ATP11C: variants seen among roughly 807,000 people sequenced by gnomAD.
ATP11C encodes the protein ATPase phospholipid transporting 11C (ATP11C blood group).
ATP11C carries 36 observed loss-of-function variants against 97.4 expected under a neutral mutation model. The observed-to-expected ratio is 0.37, with a 90% CI of 0.28 to 0.49. The LOEUF (loss-of-function observed/expected upper bound fraction) is 0.49. Among genes scored for constraint, ATP11C ranks in the 20% least tolerant of loss-of-function variants. The pLI, the probability that ATP11C is intolerant of heterozygous loss-of-function variation, is 0.98. For missense variants in ATP11C, 730 were observed against 824.6 expected (o/e 0.89, Z 1.40); for synonymous variants, 275 against 290.9 (o/e 0.95, Z 0.56).
chrX:139,767,498 T>C (rs2082162816), intron 20 of ATP11C, among the ~76,000 whole-genome samples: 1 of 111,612 alleles, frequency 9.0e-6, no homozygotes, highest in Non-Finnish European at 1.9e-5. Context: ...CAAACTGGTC[T>C]GAGGAAGAAA....
intron 18 of ATP11C, among the ~76,000 whole-genome samples, chrX:139,776,835 G>A (rs1181719233): frequency 9.0e-6 from 1 of 111,556 alleles, no homozygotes; most frequent in African/African-American, 3.3e-5. Context: ...GAGGCAGTGT[G>A]TCAGCCCTTG....
chrX:139,891,934 G>GC (rs1278840198), intron 1 of ATP11C, among the ~76,000 whole-genome samples: 1 of 110,917 alleles, frequency 9.0e-6, no homozygotes, highest in African/African-American at 3.3e-5. Context: ...TCAACACACT[G>GC]CAACCTCCAC....
At chrX:139,798,490 A>G in intron 9 of ATP11C, 136 bp from the exon 10 acceptor site, 1 of 509,562 alleles carries the variant, frequency 2.0e-6, no homozygotes, top group Non-Finnish European at 3.2e-6. Context: ...TATCATTTAT[A>G]GGATAATTTT....
chrX:139,796,727 TTC>T (rs1170251849), intron 11 of ATP11C, among the ~76,000 whole-genome samples: 2 of 111,204 alleles, frequency 1.8e-5, no homozygotes, highest in African/African-American at 6.5e-5. Flanking sequence ...CTTCTTTAAG[TTC>T]TCTTTGCTCA....
chrX:139,760,212 C>T (rs2082009282), intron 22 of ATP11C, among the ~76,000 whole-genome samples: 1 of 111,928 alleles, frequency 8.9e-6, no homozygotes, highest in Non-Finnish European at 1.9e-5. Context: ...GGAGATACTA[C>T]TACTTGACTC....
chrX:139,798,361 A>C lies in ATP11C; in HGVS notation c.776-7T>G, dbSNP rs777784232. 1.7e-6 allele frequency: 2 copies of C among 1,158,622 alleles called. No homozygotes were observed. The highest frequency in any genetic ancestry group is 1.2e-6 in the Non-Finnish European group (1 of 854,841). On this transcript the variant is annotated splice_polypyrimidine_tract_variant and splice_region_variant and intron_variant, in intron 9 of 29. Transcript: ENST00000682941. ...CCAGTGTAAACAGCAACTCCTAAGA[A>C]ATTACAGAATATAATAAAAACTAAG... is the stretch of plus-strand genomic sequence containing the variant.
chrX:139,912,308 G>C (rs1210972671), intron 1 of ATP11C, among the ~76,000 whole-genome samples: 1 of 109,092 alleles, frequency 9.2e-6, no homozygotes, highest in Admixed American at 9.9e-5. Context: ...CTATAAAATA[G>C]AATGATTATT....
At chrX:139,846,454 A>G (rs1603399823) in intron 1 of ATP11C, among the ~76,000 whole-genome samples, 1 of 112,034 alleles carries the variant, frequency 8.9e-6, no homozygotes, top group East Asian at 2.8e-4. Context: ...AATTGTCCAT[A>G]GCATTAAGTA....
intron 1 of ATP11C, among the ~76,000 whole-genome samples, chrX:139,837,973 T>C (rs1363239100): frequency 9.0e-6 from 1 of 111,280 alleles, no homozygotes; most frequent in African/African-American, 3.3e-5. Context: ...CAATAGAAAA[T>C]TGCCTATGAT....
At chrX:139,798,957 G>A (rs2082861011) in intron 8 of ATP11C, among the ~76,000 whole-genome samples, 1 of 110,878 alleles carries the variant, frequency 9.0e-6, no homozygotes, top group Non-Finnish European at 1.9e-5. Context: ...TACGGGAGTA[G>A]CCAGCAACAC....
chrX:139,906,963 A>C (rs1399932926), intron 1 of ATP11C, among the ~76,000 whole-genome samples: 3 of 111,380 alleles, frequency 2.7e-5, no homozygotes, highest in Non-Finnish European at 5.7e-5. Context: ...TATAGGCTTC[A>C]TAACAACCCA....
chrX:139,819,447 AAG>A lies in ATP11C; in HGVS notation c.148-22_148-21del. On this transcript the variant is annotated intron_variant, in intron 2 of 29. Transcript: ENST00000682941. ...TGTATACTGTAAGGGAGGAAGAAAA[AAG>A]AACACTGTTATGAAGAAAACTTGAA... The A allele has an allele frequency of 1.2e-6, 1 of 847,806 alleles. No individual in the cohort carries two copies. The highest frequency in any genetic ancestry group is 2.9e-4 in the Middle Eastern group (1 of 3,418). The allele number at this position is 847,806 out of a possible 1,213,427, so 69.9% of individuals were successfully genotyped here. A position where few individuals can be genotyped will look rare whatever the true frequency, so the allele number is the denominator to read the frequency against.
In ATP11C at chrX:139,782,686, G is replaced by C; in HGVS notation, c.1813C>G (p.Pro605Ala). The change falls in exon 18 of 30, where the codon CCA becomes GCA. Residue 605 changes from proline to alanine, a missense_variant. Transcript: ENST00000682941. ...CTGTTAATTCTTTCATAATCATCTG[G>C]AGCAATTTCTTTGAAGGCTACACAG... ...TLCVAFKEIA[P>A]DDYERINRQL... 8.3e-7 allele frequency: 1 copy of C among 1,205,415 alleles called. No homozygotes were observed. The highest frequency in any genetic ancestry group is 1.1e-6 in the Non-Finnish European group (1 of 892,015).
Position 139,932,033 on chromosome X carries a change from G to A in ATP11C, c.10C>T (p.Arg4Trp), listed in dbSNP as rs1181748022. ...GTACTTACAAAACGATTCAAGCTCC[G>A]GCGGAACATCGCGTCGAAGGCTGCC... MFRRSLNRFCAGEE... is the reference protein window; with the variant it reads MFRWSLNRFCAGEE... The change falls in exon 1 of 30, where the codon CGG (arginine) becomes TGG (tryptophan). Residue 4 changes from arginine (R) to tryptophan (W), a missense_variant. Coordinates refer to ENST00000682941, the MANE Select transcript of ATP11C (RefSeq NM_001353812.2). 1 of 1,165,042 alleles carries A rather than the reference G, an allele frequency of 8.6e-7. No homozygotes were observed. The highest frequency in any genetic ancestry group is 1.1e-6 in the Non-Finnish European group (1 of 871,260).
intron 1 of ATP11C, among the ~76,000 whole-genome samples, chrX:139,890,488 TGCCACTGTACTTCA>T (rs1228587728): frequency 9.0e-6 from 1 of 111,509 alleles, no homozygotes; most frequent in Non-Finnish European, 1.9e-5. Flanking sequence ...GCTATGAAAA[TGCCACTGTACTTCA>T]GCCTGGGTGA....
intron 2 of ATP11C, among the ~76,000 whole-genome samples, chrX:139,822,417 T>A (rs1212929844): frequency 1.0e-5 from 1 of 96,476 alleles, no homozygotes; most frequent in Non-Finnish European, 1.9e-5. Flanking sequence ...GTTTGTTTGT[T>A]TGTTTGTTTT....
rs773311103 is a variant in ATP11C at position 139,788,214 on chromosome X, C to G, written c.1498G>C (p.Ala500Pro). Reference sequence around the variant, plus strand: ...TACCTTTTAGCTCCTTTCACCAAAGCTATTTCATCTGGTGAAGAGGAGATA... The same window carrying G: ...TACCTTTTAGCTCCTTTCACCAAAGGTATTTCATCTGGTGAAGAGGAGATA... ...TYISSSPDEI[A>P]LVKGAKRYGF... The change falls in exon 14 of 30, where the codon GCT (alanine) becomes CCT (proline). Residue 500 changes from alanine (A) to proline (P), a missense_variant. Physicochemically the swap from Ala to Pro is conservative, Grantham distance 27 (BLOSUM62 -1). Coordinates refer to ENST00000682941, the MANE Select transcript of ATP11C (RefSeq NM_001353812.2). 1 of 1,206,221 alleles carries G rather than the reference C, an allele frequency of 8.3e-7. No individual in the cohort carries two copies. The highest frequency in any genetic ancestry group is 1.7e-5 in the African/African-American group (1 of 57,613).
In ATP11C at chrX:139,796,353, A is replaced by T; in HGVS notation, c.1126T>A (p.Trp376Arg). The stretch of plus-strand genomic sequence containing the variant: ...TCTTCATCATAAAAGTCCTTATCCC[A>T]TGAGATGAAGAAGGAGCCCAAGAAT... Reference protein sequence around the residue: ...QKFLGSFFISWDKDFYDEEIN... With the variant: ...QKFLGSFFISRDKDFYDEEIN... Residue 376 changes from tryptophan (W) to arginine (R), a missense_variant, in exon 12 of 30, where the codon TGG becomes AGG. Transcript: ENST00000682941. 1 of 1,206,786 alleles carries T rather than the reference A, an allele frequency of 8.3e-7. No individual in the cohort carries two copies. Among genetic ancestry groups the T allele is most frequent in the Non-Finnish European group, 1.1e-6 (1 of 891,514 alleles).
At chrX:139,729,744 T>C (rs1008203407) in intron 29 of ATP11C, among the ~76,000 whole-genome samples, 6 of 112,035 alleles carry the variant, frequency 5.4e-5, no homozygotes, top group Admixed American at 9.4e-5. Context: ...ATGGAAGTCA[T>C]ATGTCAAAAC....
Sources: gnomAD v4.1 joint callset for allele counts (sites outside exome capture counted in the v4.1 genomes callset) on GRCh38, gnomAD v4.1.1 for gene constraint, MANE v1.5 for transcripts, NCBI Gene and HGNC (gene_info 2026-07-23, HGNC 2026-07-21) for gene names.